Variants in KCNIP4 observed in about 807,000 individuals in gnomAD.
KCNIP4 encodes the protein potassium voltage-gated channel interacting protein 4.
A neutral mutation model predicts 34.0 loss-of-function variants in KCNIP4; 12 were observed. The ratio of observed to expected loss-of-function variants is 0.35; its 90% CI spans 0.23 to 0.57. The LOEUF is 0.57. Ranked by LOEUF, KCNIP4 falls within the 20% of genes least tolerant of loss-of-function variation. The probability of loss-of-function intolerance (pLI) is 0.83; values close to 1 mark genes in which losing one functional copy is unlikely to be tolerated. For synonymous variants in KCNIP4, 124 were observed against 102.2 expected (o/e 1.21, Z -1.29); for missense variants, 238 against 311.7 (o/e 0.76, Z 1.78).
At chr4:21,388,429 A>T (rs1722236643) in intron 1 of KCNIP4, among the ~76,000 whole-genome samples, 1 of 152,016 alleles carries the variant, frequency 6.6e-6, no homozygotes, top group Admixed American at 6.6e-5. Context: ...ATTTATGTCT[A>T]TCACTTTTCA....
chr4:21,143,843 C>T (rs958235263), intron 1 of KCNIP4, among the ~76,000 whole-genome samples: 1 of 151,172 alleles, frequency 6.6e-6, no homozygotes. Flanking sequence ...GCTGGGATTA[C>T]AGGCACCCAC....
At position 21,792,577 on chromosome 4, in the gene KCNIP4, G is replaced by C. The variant is rs955310751; in HGVS notation, c.61+155994C>G. Reference sequence around the variant, plus strand: ...GCAAAACTCACTAGATGGAGAATAAGCATAACAGAAGCCTGGCACCAAGAG... The same window carrying C: ...GCAAAACTCACTAGATGGAGAATAACCATAACAGAAGCCTGGCACCAAGAG... On this transcript the variant is annotated intron_variant, in intron 1 of 8. Transcript: ENST00000382152. 1.1e-4 allele frequency among the ~76,000 whole-genome samples: 16 copies of C among 152,204 alleles called. 1 individual carries two copies. The highest frequency in any genetic ancestry group is 6.5e-4 in the Admixed American group (10 of 15,282).
At chr4:21,724,852 A>T (rs1472386741) in intron 1 of KCNIP4, among the ~76,000 whole-genome samples, 1 of 152,086 alleles carries the variant, frequency 6.6e-6, no homozygotes, top group Non-Finnish European at 1.5e-5. Context: ...GGAGTGTGTG[A>T]CAGTCTGCAG....
intron 1 of KCNIP4, among the ~76,000 whole-genome samples, chr4:21,079,578 G>T (rs546486771): frequency 9.2e-5 from 14 of 151,870 alleles, no homozygotes; most frequent in Admixed American, 2.6e-4. Context: ...GTTCTGAGCA[G>T]TAGGCAAAAT....
At chr4:20,845,419 C>A (rs1560509283) in intron 3 of KCNIP4, among the ~76,000 whole-genome samples, 1 of 152,090 alleles carries the variant, frequency 6.6e-6, no homozygotes, top group Non-Finnish European at 1.5e-5. Context: ...AACCTTCTTC[C>A]CCTGCCCACA....
At chr4:20,964,916 G>T (rs1447045977) in intron 1 of KCNIP4, among the ~76,000 whole-genome samples, 2 of 152,072 alleles carry the variant, frequency 1.3e-5, no homozygotes, top group Non-Finnish European at 2.9e-5. Flanking sequence ...CAATTAGGAG[G>T]CACATTAAAC....
chr4:21,768,378 G>A (rs1718561171), intron 1 of KCNIP4, among the ~76,000 whole-genome samples: 3 of 152,008 alleles, frequency 2.0e-5, no homozygotes, highest in Non-Finnish European at 2.9e-5. Context: ...CTCTGAGTAC[G>A]TTAATATTTT....
intron 1 of KCNIP4, among the ~76,000 whole-genome samples, chr4:21,579,796 T>C (rs1055417106): frequency 6.6e-6 from 1 of 152,200 alleles, no homozygotes; most frequent in Non-Finnish European, 1.5e-5. Context: ...ATAAAAACTT[T>C]ATTTAACTAA....
chr4:21,332,459 A>G (rs564623376), intron 1 of KCNIP4, among the ~76,000 whole-genome samples: 94 of 152,148 alleles, frequency 6.2e-4, no homozygotes, highest in Non-Finnish European at 1.2e-3. Flanking sequence ...GGAATAACTC[A>G]GAGATATTGT....
chr4:21,258,343 T>A (rs1036137961), intron 1 of KCNIP4, among the ~76,000 whole-genome samples: 1 of 152,194 alleles, frequency 6.6e-6, no homozygotes, highest in Admixed American at 6.5e-5. Context: ...AGTGAATGAT[T>A]CCTCAAATAG....
intron 1 of KCNIP4, among the ~76,000 whole-genome samples, chr4:21,522,290 T>G (rs1214922107): frequency 2.0e-5 from 3 of 152,106 alleles, no homozygotes; most frequent in Admixed American, 6.5e-5. Flanking sequence ...GCTTTCTAAA[T>G]GAATAACATT....
intron 1 of KCNIP4, among the ~76,000 whole-genome samples, chr4:21,390,071 TG>T (rs1185326377): frequency 1.3e-5 from 2 of 151,054 alleles, no homozygotes; most frequent in Admixed American, 6.6e-5. Context: ...AGCATTTTTT[TG>T]TGTGTCTGTT....
intron 1 of KCNIP4, among the ~76,000 whole-genome samples, chr4:21,472,817 A>G (rs1730584230): frequency 6.6e-6 from 1 of 152,218 alleles, no homozygotes; most frequent in Non-Finnish European, 1.5e-5. Context: ...CCTCTTCTGC[A>G]AAATGAGTGT....
chr4:21,330,271 G>C (rs1293789228), intron 1 of KCNIP4, among the ~76,000 whole-genome samples: 1 of 152,132 alleles, frequency 6.6e-6, no homozygotes, highest in Admixed American at 6.6e-5. Flanking sequence ...TAAAGAAGTT[G>C]TCAATTATAG....
intron 1 of KCNIP4, among the ~76,000 whole-genome samples, chr4:20,984,459 CCT>C (rs1432668151): frequency 3.3e-5 from 5 of 152,284 alleles, no homozygotes; most frequent in Admixed American, 3.3e-4. Flanking sequence ...AGCTCAGCTC[CCT>C]CTCTGAATGC....
At chr4:21,039,405 G>T (rs1741755931) in intron 1 of KCNIP4, among the ~76,000 whole-genome samples, 1 of 151,040 alleles carries the variant, frequency 6.6e-6, no homozygotes, top group Non-Finnish European at 1.5e-5. Context: ...TAAGCATCAA[G>T]AGAGAGTAGC....
At position 21,024,296 on chromosome 4, in the gene KCNIP4, A is replaced by C. The variant is rs917773038; in HGVS notation, c.62-141587T>G. 7.2e-5 allele frequency among the ~76,000 whole-genome samples: 11 copies of C among 152,292 alleles called. No homozygotes were observed. The South Asian group carries it at 1.9e-3, about 26-fold the overall frequency. ...AGTAGCCACCACTCTTGTCAACCAG[A>C]GTCCTCTCTTTAGCCAATTCTCTAG... On this transcript the variant is annotated intron_variant, in intron 1 of 8. Coordinates refer to ENST00000382152, the MANE Select transcript of KCNIP4 (RefSeq NM_025221.6).
intron 1 of KCNIP4, among the ~76,000 whole-genome samples, chr4:21,790,130 T>C (rs1356618421): frequency 1.3e-5 from 2 of 152,158 alleles, no homozygotes; most frequent in African/African-American, 4.8e-5. Flanking sequence ...AGAAACCACA[T>C]ACTGCTTGCG....
In KCNIP4 at chr4:21,372,431, GATGTGT is replaced by G. The variant is rs869308569; in HGVS notation, c.62-489728_62-489723del. 3.2e-4 allele frequency among the ~76,000 whole-genome samples: 26 copies of G among 81,644 alleles called. 2 individuals carry two copies. Among genetic ancestry groups the G allele is most frequent in the African/African-American group, 6.9e-4 (16 of 23,198 alleles). 53.6% of individuals were successfully genotyped at this position (81,644 alleles called of 152,430 possible). ...ACAGACAGATACAGATATAGATATA[GATGTGT>G]ATATATATGTGTGTATGTGTGTGTA... On this transcript the variant is annotated intron_variant, in intron 1 of 8. Transcript: ENST00000382152.
Sources: gnomAD v4.1 joint callset for allele counts (sites outside exome capture counted in the v4.1 genomes callset) on GRCh38, gnomAD v4.1.1 for gene constraint, MANE v1.5 for transcripts, NCBI Gene and HGNC (gene_info 2026-07-23, HGNC 2026-07-21) for gene names.